The following BRSK2 variants were observed in gnomAD, a reference collection of about 807,000 sequenced individuals.
BRSK2 encodes serine/threonine-protein kinase BRSK2.
In BRSK2, 19 loss-of-function variants were observed where a neutral mutation model predicts 83.3. That is an observed-to-expected ratio of 0.23 (90% CI 0.16 to 0.33). BRSK2 has a LOEUF of 0.33. BRSK2 is among the 10% of genes least tolerant of loss of function. The probability of loss-of-function intolerance (pLI) is 1.00; values close to 1 mark genes in which losing one functional copy is unlikely to be tolerated. For synonymous variants in BRSK2, 519 were observed against 435.4 expected (o/e 1.19, Z -2.39); for missense variants, 798 against 1,042.3 (o/e 0.77, Z 3.23).
intron 1 of BRSK2, among the ~76,000 whole-genome samples, chr11:1,416,307 G>T (rs778132160): frequency 1.3e-5 from 2 of 152,230 alleles, no homozygotes; most frequent in Non-Finnish European, 2.9e-5. Context: ...CAGCCACACA[G>T]CCCGTGGACT....
chr11:1,424,711 G>C (rs1031927978), intron 1 of BRSK2, among the ~76,000 whole-genome samples: 7 of 150,100 alleles, frequency 4.7e-5, no homozygotes, highest in African/African-American at 7.4e-5. Flanking sequence ...CTCAGGACCC[G>C]TTGGGACTGT....
At chr11:1,445,060 C>T (rs374219874) in intron 9 of BRSK2, 58 bp downstream of exon 9, 10 of 1,589,306 alleles carry the variant, frequency 6.3e-6, no homozygotes, top group Non-Finnish European at 8.6e-6. Context: ...GGCCTGGAGG[C>T]CCTGCTAGGA....
intron 14 of BRSK2, 125 bp from the exon 15 acceptor site, chr11:1,451,246 G>C (rs577149613): frequency 1.6e-5 from 1 of 63,834 alleles, no homozygotes; most frequent in South Asian, 1.8e-4. Flanking sequence ...CAGTGCCCCT[G>C]GGGGGGCTGT....
At chr11:1,396,698 G>A (rs966767024) in intron 1 of BRSK2, among the ~76,000 whole-genome samples, 8 of 152,268 alleles carry the variant, frequency 5.3e-5, no homozygotes, top group African/African-American at 1.7e-4. Flanking sequence ...TTGGGCACCT[G>A]GGGAGGGTCA....
At chr11:1,445,256 CG>C in intron 9 of BRSK2, 37 bp from the exon 10 acceptor site, 1 of 1,575,404 alleles carries the variant, frequency 6.3e-7, no homozygotes, top group Non-Finnish European at 8.6e-7. Context: ...CAGGCCCGGC[CG>C]GAGCTGATGA....
intron 1 of BRSK2, among the ~76,000 whole-genome samples, chr11:1,403,713 G>C (rs1846644106): frequency 6.6e-6 from 1 of 152,194 alleles, no homozygotes; most frequent in Admixed American, 6.5e-5. Flanking sequence ...GTGCACTGAT[G>C]GTCGCCTGTG....
At chr11:1,404,489 TCCC>T (rs1846699059) in intron 1 of BRSK2, among the ~76,000 whole-genome samples, 1 of 152,276 alleles carries the variant, frequency 6.6e-6, no homozygotes, top group African/African-American at 2.4e-5. Flanking sequence ...TCCGTCCCTG[TCCC>T]AGCACCCAGA....
Position 1,438,510 on chromosome 11 carries a change from C to G in BRSK2, c.272+119C>G, listed in dbSNP as rs1055196775. On this transcript the variant is annotated intron_variant, in intron 3 of 19. Transcript: ENST00000528841. This position sits in a 1 kb window ranked among gnomAD's most constrained non-coding sequence, Gnocchi z 6.4. ...GAGGCCAGGGGCGCCTGCTGCATCC[C>G]AGCAGCCCTGGCCCTGCTAGCATGA... 1.1e-6 allele frequency: 1 copy of G among 881,230 alleles called. No homozygotes were observed. Among genetic ancestry groups the G allele is most frequent in the Non-Finnish European group, 1.8e-6 (1 of 549,768 alleles). The allele number at this position is 881,230 out of a possible 1,614,324, so 54.6% of individuals were successfully genotyped here.
In BRSK2 at chr11:1,390,379, C is replaced by G. The variant is rs1845644889; in HGVS notation, c.91+4C>G. The G allele has an allele frequency of 3.9e-6, 4 of 1,012,788 alleles. No homozygotes were observed. 62.7% of individuals were successfully genotyped at this position (1,012,788 alleles called of 1,614,324 possible). On this transcript the variant is annotated splice_donor_region_variant and intron_variant, in intron 1 of 19. Coordinates refer to ENST00000528841, the MANE Select transcript of BRSK2 (RefSeq NM_001256627.2). This position sits in a 1 kb window ranked among gnomAD's most constrained non-coding sequence, Gnocchi z 6.8. ...ACGCTGGGCAAGGGGCAGACAGGTGCGTGCGGCCGGGGCGGGGACCGGGGC... is the reference window on the plus strand; with the variant it reads ...ACGCTGGGCAAGGGGCAGACAGGTGGGTGCGGCCGGGGCGGGGACCGGGGC...
At position 1,454,628 on chromosome 11, in the gene BRSK2, G is replaced by T; in HGVS notation, c.1668+20G>T. 6.2e-7 allele frequency: 1 copy of T among 1,611,686 alleles called. No homozygotes were observed. The highest frequency in any genetic ancestry group is 1.8e-4 in the Middle Eastern group (1 of 5,700). ...CTGTCGGTGAGGCCACAGGGCGCTG[G>T]GGGAGGCGGGCAGCCCTCCCAACCC... On this transcript the variant is annotated intron_variant, in intron 16 of 19. Coordinates refer to ENST00000528841, the MANE Select transcript of BRSK2 (RefSeq NM_001256627.2). The surrounding 1 kb of genome is among the most constrained non-coding windows in gnomAD (Gnocchi z 5.2).
intron 12 of BRSK2, among the ~76,000 whole-genome samples, chr11:1,448,877 G>A (rs1852578215): frequency 6.6e-6 from 1 of 152,254 alleles, no homozygotes; most frequent in Admixed American, 6.5e-5. Context: ...CCACGGTCCG[G>A]GGCCTGGGCC....
At chr11:1,396,245 C>G (rs527631318) in intron 1 of BRSK2, among the ~76,000 whole-genome samples, 1 of 129,258 alleles carries the variant, frequency 7.7e-6, no homozygotes, top group Non-Finnish European at 1.6e-5. Flanking sequence ...CCCACGTCCC[C>G]CACTCCTGGT....
chr11:1,433,218 G>C (rs970046778), intron 1 of BRSK2, among the ~76,000 whole-genome samples: 2 of 152,222 alleles, frequency 1.3e-5, no homozygotes, highest in African/African-American at 4.8e-5. Context: ...TCCTGTTTGG[G>C]GCCATCTTTT....
chr11:1,448,954 CCGG>C (rs1852593815), intron 12 of BRSK2, among the ~76,000 whole-genome samples: 1 of 152,178 alleles, frequency 6.6e-6, no homozygotes, highest in African/African-American at 2.4e-5. Context: ...GTAGTGCAGG[CCGG>C]GCTTTTACTC....
chr11:1,447,777 TC>T, intron 12 of BRSK2: 1 of 1,593,716 alleles, frequency 6.3e-7, no homozygotes, highest in Non-Finnish European at 8.5e-7. Context: ...AACTGTGTTT[TC>T]TCGCTCTGTT....
At chr11:1,426,929 G>A (rs1387731487) in intron 1 of BRSK2, among the ~76,000 whole-genome samples, 1 of 152,072 alleles carries the variant, frequency 6.6e-6, no homozygotes, top group African/African-American at 2.4e-5. Flanking sequence ...TGCGGGAGAT[G>A]GGGGGGCGGC....
chr11:1,439,122 T>C (rs12575660), intron 3 of BRSK2, among the ~76,000 whole-genome samples: 9,113 of 152,218 alleles, frequency 0.06, 367 homozygotes, highest in African/African-American at 0.12. Context: ...CAGGTGATCC[T>C]AGCCGGGCAT....
At chr11:1,439,532 G>C (rs552081091) in intron 3 of BRSK2, among the ~76,000 whole-genome samples, 2 of 151,876 alleles carry the variant, frequency 1.3e-5, no homozygotes, top group South Asian at 4.2e-4. Context: ...TCTCGGAGGG[G>C]AGGGCAGGGG....
chr11:1,421,225 G>A (rs1269232067), intron 1 of BRSK2, among the ~76,000 whole-genome samples: 1 of 152,220 alleles, frequency 6.6e-6, no homozygotes, highest in African/African-American at 2.4e-5. Context: ...AGGACGGGGT[G>A]TCAGGAGACC....
Sources: gnomAD v4.1 joint callset for allele counts (sites outside exome capture counted in the v4.1 genomes callset) on GRCh38, gnomAD v4.1.1 for gene constraint, Gnocchi (gnomAD v3.1) non-coding constraint, MANE v1.5 for transcripts, NCBI Gene and HGNC (gene_info 2026-07-23, HGNC 2026-07-21) for gene names.